The following DAB2IP variants were observed in gnomAD, a reference collection of about 807,000 sequenced individuals.
The protein encoded by DAB2IP is DAB2 interacting protein, also known as disabled homolog 2-interacting protein.
In DAB2IP, 28 loss-of-function variants were observed where a neutral mutation model predicts 107.2. The ratio of observed to expected loss-of-function variants is 0.26; its 90% CI spans 0.19 to 0.36. The LOEUF (loss-of-function observed/expected upper bound fraction) is 0.36, where lower values mean the gene tolerates loss of function less well. Ranked by LOEUF, DAB2IP falls within the 10% of genes least tolerant of loss-of-function variation. DAB2IP has a pLI of 1.00. For missense variants in DAB2IP, 1,400 were observed against 1,644.7 expected, an observed-to-expected ratio of 0.85 and a Z score of 2.57; for synonymous variants, 755 against 706.4, an observed-to-expected ratio of 1.07 and a Z score of -1.09.
At chr9:121,759,263 G>A (rs555792881) in intron 5 of DAB2IP, among the ~76,000 whole-genome samples, 34 of 152,308 alleles carry the variant, frequency 2.2e-4, no homozygotes, top group African/African-American at 7.7e-4. Flanking sequence ...GGGTCCTTCT[G>A]CTGGGACCCC....
At chr9:121,696,116 G>A (rs1243838426) in intron 2 of DAB2IP, among the ~76,000 whole-genome samples, 1 of 152,118 alleles carries the variant, frequency 6.6e-6, no homozygotes, top group African/African-American at 2.4e-5. Context: ...TGATCCACCC[G>A]CCTCAGCCTC....
chr9:121,757,040 G>A (rs751974334), exon 4 of DAB2IP: 18 of 1,614,086 alleles, frequency 1.1e-5, no homozygotes, highest in Non-Finnish European at 1.4e-5. Context: ...GGCTGAAGGA[G>A]TCTCGCTCCC....
intron 1 of DAB2IP, among the ~76,000 whole-genome samples, chr9:121,659,645 T>C (rs1484392354): frequency 6.6e-6 from 1 of 151,886 alleles, no homozygotes; most frequent in Non-Finnish European, 1.5e-5. Context: ...TACAAAAAAA[T>C]TAGCCGGGCG....
intron 1 of DAB2IP, among the ~76,000 whole-genome samples, chr9:121,627,076 A>G (rs1321031763): frequency 2.0e-5 from 3 of 151,992 alleles, no homozygotes; most frequent in Non-Finnish European, 4.4e-5. Context: ...ATAAAATCAA[A>G]TATTATAGAC....
chr9:121,578,843 C>G (rs1372886098), intron 1 of DAB2IP, among the ~76,000 whole-genome samples: 1 of 142,270 alleles, frequency 7.0e-6, no homozygotes, highest in South Asian at 2.3e-4. Context: ...CAGGTTCAAG[C>G]TATTCTCCTG....
At chr9:121,595,472 G>A (rs921694753) in intron 1 of DAB2IP, among the ~76,000 whole-genome samples, 2 of 151,956 alleles carry the variant, frequency 1.3e-5, no homozygotes, top group African/African-American at 2.4e-5. Context: ...CCATGGTGGC[G>A]TGTGCCTGTA....
rs1386657533 is a variant in DAB2IP at position 121,621,465 on chromosome 9, G to A, written c.40+54237G>A. Among the ~76,000 whole-genome samples, 4 of 152,148 alleles carry A rather than the reference G, an allele frequency of 2.6e-5. No homozygotes were observed. The South Asian group carries it at 6.2e-4, about 24-fold the overall frequency. ...CTCCATGGCCTCTACCTGTTAGACTGCCTTGCCTGTGTTTCTCAAAGTTCC... is the reference window on the plus strand; with the variant it reads ...CTCCATGGCCTCTACCTGTTAGACTACCTTGCCTGTGTTTCTCAAAGTTCC... On this transcript the variant is annotated intron_variant, in intron 1 of 16. Transcript: ENST00000259371.
chr9:121,663,126 A>G (rs1833275548), intron 1 of DAB2IP, among the ~76,000 whole-genome samples: 1 of 152,160 alleles, frequency 6.6e-6, no homozygotes, highest in Non-Finnish European at 1.5e-5. Context: ...GCGTGTCTGG[A>G]GATAAGGAAT....
intron 1 of DAB2IP, among the ~76,000 whole-genome samples, chr9:121,623,908 G>A (rs930748617): frequency 1.3e-5 from 2 of 152,146 alleles, no homozygotes; most frequent in Admixed American, 1.3e-4. Flanking sequence ...GGCGGGTTAA[G>A]GTTTTGAGTT....
chr9:121,697,681 T>C (rs973352978), intron 2 of DAB2IP, among the ~76,000 whole-genome samples: 5 of 152,318 alleles, frequency 3.3e-5, no homozygotes, highest in Admixed American at 3.3e-4. Context: ...AATTCCAGGC[T>C]GCAGAGGTGA....
At chr9:121,703,996 C>G (rs74394130) in intron 3 of DAB2IP, among the ~76,000 whole-genome samples, 8,484 of 152,258 alleles carry the variant, frequency 0.056, 510 homozygotes, top group African/African-American at 0.15. Context: ...AAGCAAAGCT[C>G]TCATGTGTGT....
chr9:121,654,741 A>C (rs1022272131), intron 1 of DAB2IP, among the ~76,000 whole-genome samples: 1 of 152,142 alleles, frequency 6.6e-6, no homozygotes, highest in Non-Finnish European at 1.5e-5. Context: ...CCCCATCCAC[A>C]TGGGGGCTTG....
chr9:121,628,551 C>A (rs1438905271), intron 1 of DAB2IP, among the ~76,000 whole-genome samples: 2 of 152,224 alleles, frequency 1.3e-5, no homozygotes, highest in Admixed American at 1.3e-4. Context: ...GTGGGAGGCA[C>A]TGGAAGACTT....
chr9:121,606,222 G>C (rs1830866175), intron 1 of DAB2IP, among the ~76,000 whole-genome samples: 1 of 152,112 alleles, frequency 6.6e-6, no homozygotes. Context: ...AAATTAGCCA[G>C]GTGTGGTGGT....
intron 1 of DAB2IP, among the ~76,000 whole-genome samples, chr9:121,568,463 G>C (rs183912361): frequency 3.9e-5 from 6 of 152,334 alleles, no homozygotes; most frequent in Non-Finnish European, 7.4e-5. Context: ...CAAATAGTTG[G>C]TGCTTAGTGA....
chr9:121,695,989 C>T (rs1254398839), intron 2 of DAB2IP, among the ~76,000 whole-genome samples: 1 of 152,152 alleles, frequency 6.6e-6, no homozygotes, highest in Admixed American at 6.5e-5. Flanking sequence ...CTGCCTCAGC[C>T]TCCCGAGTAG....
At chr9:121,764,619 A>G (rs909637628) in intron 8 of DAB2IP, among the ~76,000 whole-genome samples, 11 of 152,136 alleles carry the variant, frequency 7.2e-5, no homozygotes, top group African/African-American at 2.7e-4. Flanking sequence ...CAGTGGGTTC[A>G]TATTCACCCC....
intron 1 of DAB2IP, among the ~76,000 whole-genome samples, chr9:121,582,532 C>T (rs1830222627): frequency 6.6e-6 from 1 of 152,180 alleles, no homozygotes; most frequent in South Asian, 2.1e-4. Context: ...TGCTGCAGAC[C>T]TCCACTGGCG....
chr9:121,638,486 A>G (rs1292656612), intron 1 of DAB2IP, among the ~76,000 whole-genome samples: 1 of 152,084 alleles, frequency 6.6e-6, no homozygotes, highest in East Asian at 1.9e-4. Context: ...GGGAGCTCAG[A>G]GAGAGTGTTG....
Sources: gnomAD v4.1 joint callset for allele counts (sites outside exome capture counted in the v4.1 genomes callset) on GRCh38, gnomAD v4.1.1 for gene constraint, MANE v1.5 for transcripts, NCBI Gene and HGNC (gene_info 2026-07-23, HGNC 2026-07-21) for gene names.